SMC1B: variants seen among roughly 807,000 people sequenced by gnomAD.
SMC1B encodes the protein structural maintenance of chromosomes 1B.
A neutral mutation model predicts 157.9 loss-of-function variants in SMC1B; 60 were observed. That is an observed-to-expected ratio of 0.38 (90% CI 0.31 to 0.47). The LOEUF is 0.47. Among genes scored for constraint, SMC1B ranks in the 20% least tolerant of loss-of-function variants. The pLI, the probability that SMC1B is intolerant of heterozygous loss-of-function variation, is 0.99. For synonymous variants in SMC1B, 445 were observed against 483.0 expected, an observed-to-expected ratio of 0.92 and a Z score of 1.03; for missense variants, 1,165 against 1,426.2, an observed-to-expected ratio of 0.82 and a Z score of 2.95.
chr22:45,407,234 T>A (rs1160975425), intron 2 of SMC1B, among the ~76,000 whole-genome samples: 2 of 152,142 alleles, frequency 1.3e-5, no homozygotes, highest in African/African-American at 4.8e-5. Flanking sequence ...CTGTAAAGAT[T>A]GAAAAACAAC....
intron 23 of SMC1B, among the ~76,000 whole-genome samples, chr22:45,345,873 G>A (rs2086546088): frequency 1.3e-5 from 2 of 152,178 alleles, no homozygotes; most frequent in Non-Finnish European, 2.9e-5. Flanking sequence ...ACCACTCAGA[G>A]TATTTTTTGA....
intron 21 of SMC1B, 68 bp downstream of exon 21, chr22:45,353,910 A>AAC (rs1555924516): frequency 3.3e-5 from 23 of 696,872 alleles, no homozygotes; most frequent in African/African-American, 2.9e-4. Flanking sequence ...AAAAAAAAAA[A>AAC]AAAAAAAAAA....
chr22:45,351,929 A>C (rs1269865836), intron 22 of SMC1B, among the ~76,000 whole-genome samples: 1 of 152,258 alleles, frequency 6.6e-6, no homozygotes, highest in Non-Finnish European at 1.5e-5. Flanking sequence ...GAAATACTTC[A>C]ACATTCTTTA....
At chr22:45,377,823 A>G (rs2086897888) in intron 12 of SMC1B, among the ~76,000 whole-genome samples, 1 of 150,754 alleles carries the variant, frequency 6.6e-6, no homozygotes, top group Non-Finnish European at 1.5e-5. Context: ...GGCAAAAGCC[A>G]CCACGCCTGG....
chr22:45,369,954 C>CT lies in SMC1B; in HGVS notation c.2419dup (p.Arg807LysfsTer5). The stretch of plus-strand genomic sequence containing the variant: ...TACCAACATCTTTTTATAAAAATAC[C>CT]TTTTTTGATCAATTTCTTGTTGCCG... On this transcript the variant is annotated frameshift_variant and splice_region_variant, in exon 15 of 25. Transcript: ENST00000357450. LOFTEE classifies it high-confidence loss of function. The CT allele has an allele frequency of 6.6e-7, 1 of 1,520,680 alleles. No homozygotes were observed. The highest frequency in any genetic ancestry group is 9.0e-7 in the Non-Finnish European group (1 of 1,110,346). The allele number at this position is 1,520,680 out of a possible 1,614,324, so 94.2% of individuals were successfully genotyped here.
chr22:45,367,348 C>T (rs2086786400), intron 15 of SMC1B, among the ~76,000 whole-genome samples: 1 of 152,188 alleles, frequency 6.6e-6, no homozygotes, highest in South Asian at 2.1e-4. Flanking sequence ...ATGCCTTAAG[C>T]TCAGGTTTGC....
intron 12 of SMC1B, among the ~76,000 whole-genome samples, chr22:45,373,009 G>A (rs535911527): frequency 2.0e-5 from 3 of 151,974 alleles, no homozygotes; most frequent in East Asian, 1.9e-4. Context: ...CACCGCACCC[G>A]GCTGACTCCA....
In SMC1B at chr22:45,413,590, C is replaced by T; in HGVS notation, c.-23G>A. On this transcript the variant is annotated 5_prime_UTR_variant, in exon 1 of 25. Transcript: ENST00000357450. ...CATGGCGCCGCCCTCCACGCCTCAC[C>T]CGCGTTATCAAGCGCCCGCGGAAAA... 1.3e-6 allele frequency: 2 copies of T among 1,579,496 alleles called. No homozygotes were observed. The highest frequency in any genetic ancestry group is 1.7e-6 in the Non-Finnish European group (2 of 1,160,854).
At chr22:45,378,514 A>G (rs2086904588) in intron 12 of SMC1B, among the ~76,000 whole-genome samples, 1 of 152,158 alleles carries the variant, frequency 6.6e-6, no homozygotes, top group South Asian at 2.1e-4. Flanking sequence ...ATGCTACGAA[A>G]TAGATGTTAT....
At chr22:45,385,927 G>C (rs1405992454) in intron 11 of SMC1B, among the ~76,000 whole-genome samples, 1 of 151,994 alleles carries the variant, frequency 6.6e-6, no homozygotes, top group Non-Finnish European at 1.5e-5. Flanking sequence ...TCATTAAGAA[G>C]TGCCTGCTTT....
At chr22:45,413,086 T>G in intron 1 of SMC1B, among the ~76,000 whole-genome samples, 1 of 150,056 alleles carries the variant, frequency 6.7e-6, no homozygotes, top group Non-Finnish European at 1.5e-5. Context: ...GCCCCTGAGA[T>G]GAAGGGCGAG....
intron 4 of SMC1B, among the ~76,000 whole-genome samples, chr22:45,403,190 G>T (rs952149284): frequency 2.6e-5 from 4 of 152,132 alleles, no homozygotes; most frequent in African/African-American, 9.7e-5. Context: ...CGTTCTAACT[G>T]TCCTTAAAAT....
Position 45,402,505 on chromosome 22 carries a change from G to C in SMC1B, c.682C>G (p.Leu228Val). ...MNKIQLQLFQ[L>V]YHNEKKIHLL... Reference sequence around the variant, plus strand: ...TGAATCTTTTTCTCATTATGGTATAGTTGAAAAAGCTGCAGTTGTATCTTG... The same window carrying C: ...TGAATCTTTTTCTCATTATGGTATACTTGAAAAAGCTGCAGTTGTATCTTG... The change falls in exon 5 of 25, where the codon CTA becomes GTA. Residue 228 changes from leucine (L) to valine (V), a missense_variant. Leu to Val is a conservative substitution (Grantham distance 32). Transcript: ENST00000357450. The C allele has an allele frequency of 9.3e-6, 15 of 1,613,904 alleles. No individual in the cohort carries two copies. Among genetic ancestry groups the C allele is most frequent in the Non-Finnish European group, 1.3e-5 (15 of 1,179,938 alleles).
chr22:45,399,271 C>G lies in SMC1B; in HGVS notation c.937G>C (p.Asp313His), dbSNP rs1211395523. Residue 313 changes from aspartate (D) to histidine (H), a missense_variant, in exon 6 of 25, where the codon GAT (aspartate) becomes CAT (histidine). Asp to His is a moderately conservative substitution (Grantham distance 81). Transcript: ENST00000357450. ...ENTSHHLKKL[D>H]VAKKSIKDSE... The stretch of plus-strand genomic sequence containing the variant: ...TCCTTTATTGATTTCTTAGCCACAT[C>G]TAATTTCTTAAGGTGGTGAGAAGTG... The G allele has an allele frequency of 1.2e-6, 2 of 1,613,910 alleles. No homozygotes were observed. The highest frequency in any genetic ancestry group is 2.2e-5 in the South Asian group (2 of 91,076).
intron 1 of SMC1B, among the ~76,000 whole-genome samples, chr22:45,409,455 C>A (rs972650567): frequency 2.0e-5 from 3 of 151,994 alleles, no homozygotes; most frequent in African/African-American, 7.2e-5. Flanking sequence ...GTCCCAGCTA[C>A]TCAGGAAGCT....
chr22:45,388,679 A>G, intron 10 of SMC1B, among the ~76,000 whole-genome samples: 1 of 152,160 alleles, frequency 6.6e-6, no homozygotes, highest in South Asian at 2.1e-4. Context: ...ACTGATGCTC[A>G]GAAAAATTAA....
In SMC1B at chr22:45,377,543, CAGG is replaced by C. The variant is rs541696129; in HGVS notation, c.2059-5254_2059-5252del. Among the ~76,000 whole-genome samples the C allele has an allele frequency of 9.1e-4, 138 of 151,118 alleles. 1 individual carries two copies. In the East Asian group the frequency reaches 0.022, roughly 24 times the overall value. On this transcript the variant is annotated intron_variant, in intron 12 of 24. Transcript: ENST00000357450. Reference sequence around the variant, plus strand: ...ATCCCAGCTACTCGGCAGGCTGAGGCAGGAGAATTGCTTGAACCCGGGAGGCAG... The same window carrying C: ...ATCCCAGCTACTCGGCAGGCTGAGGCAGAATTGCTTGAACCCGGGAGGCAG...
chr22:45,382,429 A>G (rs2086945443), intron 12 of SMC1B, among the ~76,000 whole-genome samples: 1 of 152,250 alleles, frequency 6.6e-6, no homozygotes, highest in Non-Finnish European at 1.5e-5. Flanking sequence ...CTATAATGAC[A>G]GAAAGTAGAT....
intron 12 of SMC1B, among the ~76,000 whole-genome samples, chr22:45,374,381 C>T (rs2086865227): frequency 6.6e-6 from 1 of 152,070 alleles, no homozygotes; most frequent in South Asian, 2.1e-4. Context: ...TAAAAAATTA[C>T]TCTTGCAACA....
Sources: gnomAD v4.1 joint callset for allele counts (sites outside exome capture counted in the v4.1 genomes callset) on GRCh38, gnomAD v4.1.1 for gene constraint, MANE v1.5 for transcripts, NCBI Gene and HGNC (gene_info 2026-07-23, HGNC 2026-07-21) for gene names.